The following VAX2 variants were observed in gnomAD, a reference collection of about 807,000 sequenced individuals.
The protein encoded by VAX2 is ventral anterior homeobox 2.
A neutral mutation model predicts 12.5 loss-of-function variants in VAX2; 8 were observed. The ratio of observed to expected loss-of-function variants is 0.64; its 90% CI spans 0.37 to 1.15. The LOEUF (loss-of-function observed/expected upper bound fraction) is 1.15, where lower values mean the gene tolerates loss of function less well. VAX2 is among the 50% of genes most tolerant of loss of function. The probability of loss-of-function intolerance (pLI) is 0.01; values close to 1 mark genes in which losing one functional copy is unlikely to be tolerated. For synonymous variants in VAX2, 183 were observed against 187.6 expected (o/e 0.98, Z 0.20); for missense variants, 476 against 412.9 (o/e 1.15, Z -1.32).
At chr2:70,930,599 C>A (rs1273070450) in intron 2 of VAX2, among the ~76,000 whole-genome samples, 1 of 152,194 alleles carries the variant, frequency 6.6e-6, no homozygotes, top group Non-Finnish European at 1.5e-5. Flanking sequence ...GGGGAAGCAC[C>A]AAGGCCTCAC....
At chr2:70,926,021 G>C (rs782076767) in intron 2 of VAX2, among the ~76,000 whole-genome samples, 10 of 151,830 alleles carry the variant, frequency 6.6e-5, no homozygotes, top group Non-Finnish European at 1.0e-4. Context: ...AATTCAGGCA[G>C]AGAAAACACA....
intron 1 of VAX2, among the ~76,000 whole-genome samples, chr2:70,914,262 A>G (rs1679258913): frequency 6.6e-6 from 1 of 152,194 alleles, no homozygotes; most frequent in Non-Finnish European, 1.5e-5. Flanking sequence ...AGCCTGGCCA[A>G]CATGGTGAAA....
chr2:70,918,850 A>C (rs1553412414), intron 1 of VAX2, among the ~76,000 whole-genome samples: 3 of 45,932 alleles, frequency 6.5e-5, no homozygotes, highest in African/African-American at 3.9e-4. Context: ...GCGCCACAGC[A>C]CTCCAGCCGT....
intron 1 of VAX2, among the ~76,000 whole-genome samples, chr2:70,916,228 G>A (rs918916126): frequency 6.6e-6 from 1 of 152,162 alleles, no homozygotes; most frequent in Non-Finnish European, 1.5e-5. Flanking sequence ...CTCGCAAGGA[G>A]TTATAAAAAT....
intron 2 of VAX2, 71 bp from the exon 3 acceptor site, chr2:70,932,695 CT>C: frequency 1.2e-6 from 1 of 811,566 alleles, no homozygotes; most frequent in Non-Finnish European, 1.6e-6. Context: ...CTCTCCTTTC[CT>C]CCTCCCACCT....
intron 2 of VAX2, among the ~76,000 whole-genome samples, chr2:70,931,523 C>T (rs62145070): frequency 0.076 from 11,649 of 152,324 alleles, 589 homozygotes; most frequent in South Asian, 0.17. Context: ...ACCTCACCAT[C>T]CCCAGACAGG....
chr2:70,925,475 G>C (rs1558661458), intron 2 of VAX2, among the ~76,000 whole-genome samples: 2 of 152,194 alleles, frequency 1.3e-5, no homozygotes, highest in African/African-American at 2.4e-5. Context: ...TTGAGAAACT[G>C]GGGGAGAAGC....
At chr2:70,919,375 T>C (rs556882648) in intron 1 of VAX2, among the ~76,000 whole-genome samples, 4 of 151,654 alleles carry the variant, frequency 2.6e-5, no homozygotes, top group African/African-American at 9.7e-5. Context: ...TCCAAATTCA[T>C]GGAGACATTG....
At chr2:70,926,492 T>C (rs1385361922) in intron 2 of VAX2, among the ~76,000 whole-genome samples, 1 of 152,166 alleles carries the variant, frequency 6.6e-6, no homozygotes, top group Non-Finnish European at 1.5e-5. Flanking sequence ...CTTGTCACCA[T>C]GCTTTGTTTG....
At chr2:70,929,755 G>T (rs1047101662) in intron 2 of VAX2, among the ~76,000 whole-genome samples, 13 of 151,400 alleles carry the variant, frequency 8.6e-5, no homozygotes, top group Non-Finnish European at 1.8e-4. Flanking sequence ...TTAAAGTATT[G>T]GTCCTCAACA....
In VAX2 at chr2:70,932,843, C is replaced by T; in HGVS notation, c.512C>T (p.Ser171Phe). Residue 171 changes from serine (S) to phenylalanine (F), a missense_variant, in exon 3 of 3, where the codon TCC becomes TTC. Ser to Phe is a radical substitution (Grantham distance 155). Coordinates refer to ENST00000234392, the MANE Select transcript of VAX2 (RefSeq NM_012476.3). Reference sequence around the variant, plus strand: ...AGAGACCTGGAGAAGCGGGCGTCCTCCTCAGCCTCCGAGGCCTTTGCCACC... The same window carrying T: ...AGAGACCTGGAGAAGCGGGCGTCCTTCTCAGCCTCCGAGGCCTTTGCCACC... ...QSRDLEKRASSSASEAFATSN... is the reference protein window; with the variant it reads ...QSRDLEKRASFSASEAFATSN... The T allele has an allele frequency of 6.2e-7, 1 of 1,613,280 alleles. No homozygotes were observed. Among genetic ancestry groups the T allele is most frequent in the Non-Finnish European group, 8.5e-7 (1 of 1,179,792 alleles).
chr2:70,904,870 C>T lies in VAX2; in HGVS notation c.247+4002C>T, dbSNP rs537098749. Among the ~76,000 whole-genome samples the T allele has an allele frequency of 7.5e-4, 114 of 152,328 alleles. 1 individual carries two copies. The highest frequency in any genetic ancestry group is 6.8e-3 in the Middle Eastern group (2 of 294). On this transcript the variant is annotated intron_variant, in intron 1 of 2. Transcript: ENST00000234392. This position sits in a 1 kb window ranked among gnomAD's most constrained non-coding sequence, Gnocchi z 4.2. ...CGGAGAATCCGCGGGCAGTCGGGAC[C>T]CACGCTCCGGAAACACCCAAGTCCG...
chr2:70,915,719 A>T (rs1679294654), intron 1 of VAX2, among the ~76,000 whole-genome samples: 1 of 152,122 alleles, frequency 6.6e-6, no homozygotes, highest in Non-Finnish European at 1.5e-5. Context: ...CCAAACATAC[A>T]ATTTATGGTC....
chr2:70,900,828 G>A lies in VAX2; in HGVS notation c.207G>A (p.Gly69=). The change falls in exon 1 of 3, where the codon GGG becomes GGA. Residue 69 remains glycine, a synonymous_variant. Coordinates refer to ENST00000234392, the MANE Select transcript of VAX2 (RefSeq NM_012476.3). ...ESGADSDGQP[G]PGEADHCRRI... ...GAGCCGACAGCGACGGGCAGCCCGG[G>A]CCCGGCGAGGCAGACCACTGCCGCC... The A allele has an allele frequency of 1.4e-6, 2 of 1,474,150 alleles. No homozygotes were observed. Among genetic ancestry groups the A allele is most frequent in the African/African-American group, 1.5e-5 (1 of 68,964 alleles). The allele number at this position is 1,474,150 out of a possible 1,614,324, so 91.3% of individuals were successfully genotyped here. A position where few individuals can be genotyped will look rare whatever the true frequency, so the allele number is the denominator to read the frequency against.
intron 2 of VAX2, 23 bp from the exon 3 acceptor site, chr2:70,932,744 G>T (rs529198368): frequency 8.0e-6 from 11 of 1,376,774 alleles, no homozygotes; most frequent in Admixed American, 4.8e-5. Context: ...CTCCCTCCTT[G>T]ACACCCCCTC....
At position 70,933,432 on chromosome 2, in the gene VAX2, T is replaced by G; in HGVS notation, c.*228T>G. ...TCTCACTGAAATAAAAGGAAAACAA[T>G]GACAAGAAGGGAAATGGTGCCCACA... On this transcript the variant is annotated 3_prime_UTR_variant, in exon 3 of 3. Transcript: ENST00000234392. The G allele has an allele frequency of 5.0e-6, 2 of 398,692 alleles. No homozygotes were observed. Among genetic ancestry groups the G allele is most frequent in the Middle Eastern group, 6.2e-4 (1 of 1,622 alleles). 24.7% of individuals were successfully genotyped at this position (398,692 alleles called of 1,614,324 possible). A position where few individuals can be genotyped will look rare whatever the true frequency, so the allele number is the denominator to read the frequency against.
At chr2:70,911,020 C>A (rs1244027566) in intron 1 of VAX2, among the ~76,000 whole-genome samples, 2 of 151,900 alleles carry the variant, frequency 1.3e-5, no homozygotes, top group African/African-American at 4.8e-5. Context: ...AAATTTTATT[C>A]CCTAGTCTTT....
At chr2:70,919,935 T>C (rs1679413729) in intron 1 of VAX2, among the ~76,000 whole-genome samples, 1 of 152,230 alleles carries the variant, frequency 6.6e-6, no homozygotes, top group African/African-American at 2.4e-5. Context: ...CAGACGTTTG[T>C]CAGCCTTTGT....
intron 1 of VAX2, among the ~76,000 whole-genome samples, chr2:70,905,366 A>C (rs1553410458): frequency 1.3e-5 from 2 of 151,784 alleles, no homozygotes; most frequent in East Asian, 3.9e-4. Context: ...GCTTTACGTT[A>C]TTTTTTCCTT....
Sources: gnomAD v4.1 joint callset for allele counts (sites outside exome capture counted in the v4.1 genomes callset) on GRCh38, gnomAD v4.1.1 for gene constraint, Gnocchi (gnomAD v3.1) non-coding constraint, MANE v1.5 for transcripts, NCBI Gene and HGNC (gene_info 2026-07-23, HGNC 2026-07-21) for gene names.